The following MACROD2 variants were observed in gnomAD, a reference collection of about 807,000 sequenced individuals.
MACROD2 encodes mono-ADP ribosylhydrolase 2.
A neutral mutation model predicts 70.4 loss-of-function variants in MACROD2; 36 were observed. The ratio of observed to expected loss-of-function variants is 0.51; its 90% CI spans 0.39 to 0.68. The LOEUF is 0.68. Among genes scored for constraint, MACROD2 ranks in the 30% least tolerant of loss-of-function variants. MACROD2 has a pLI of 0.00. For missense variants in MACROD2, 496 were observed against 538.4 expected (o/e 0.92, Z 0.78); for synonymous variants, 172 against 178.8 (o/e 0.96, Z 0.30).
intron 5 of MACROD2, among the ~76,000 whole-genome samples, chr20:14,768,673 G>A (rs1300551230): frequency 6.6e-6 from 1 of 151,906 alleles, no homozygotes; most frequent in East Asian, 1.9e-4. Flanking sequence ...TTGGAGGGCA[G>A]TGGTGTGATC....
chr20:14,604,752 T>C (rs1006010394), intron 4 of MACROD2, among the ~76,000 whole-genome samples: 1 of 152,138 alleles, frequency 6.6e-6, no homozygotes, highest in Non-Finnish European at 1.5e-5. Flanking sequence ...AGAGTCCTTC[T>C]TCCAGGAGGA....
chr20:15,302,051 G>A (rs140711925), intron 6 of MACROD2, among the ~76,000 whole-genome samples: 114 of 152,220 alleles, frequency 7.5e-4, no homozygotes, highest in African/African-American at 2.6e-3. Context: ...TCTCTGAAAC[G>A]TGGTCGGTGC....
intron 4 of MACROD2, among the ~76,000 whole-genome samples, chr20:14,579,176 C>T (rs893951621): frequency 7.0e-6 from 1 of 143,330 alleles, no homozygotes; most frequent in Non-Finnish European, 1.5e-5. Context: ...GCTCTGTCGC[C>T]CAGGCCGGAC....
chr20:16,024,657 G>A (rs995896695), intron 15 of MACROD2, among the ~76,000 whole-genome samples: 22 of 152,076 alleles, frequency 1.4e-4, no homozygotes, highest in Non-Finnish European at 2.6e-4. Flanking sequence ...ATATTCTATT[G>A]AAGTCAGCCA....
chr20:15,710,406 A>G (rs180814641), intron 8 of MACROD2, among the ~76,000 whole-genome samples: 106 of 152,310 alleles, frequency 7.0e-4, no homozygotes, highest in African/African-American at 2.5e-3. Flanking sequence ...AAAGCCATAT[A>G]TAAAGTACCT....
At chr20:15,136,334 A>G (rs1219184564) in intron 5 of MACROD2, among the ~76,000 whole-genome samples, 1 of 151,518 alleles carries the variant, frequency 6.6e-6, no homozygotes, top group Non-Finnish European at 1.5e-5. Flanking sequence ...ACAGTAACCA[A>G]AACAGCATGG....
intron 12 of MACROD2, among the ~76,000 whole-genome samples, chr20:15,956,924 G>C (rs888569246): frequency 7.9e-5 from 12 of 152,150 alleles, no homozygotes; most frequent in Non-Finnish European, 1.6e-4. Context: ...AAGATTTACC[G>C]TAGAATCTGC....
intron 7 of MACROD2, among the ~76,000 whole-genome samples, chr20:15,438,586 C>T (rs1015394256): frequency 6.6e-6 from 1 of 151,374 alleles, no homozygotes; most frequent in African/African-American, 2.4e-5. Flanking sequence ...AGGAAGTCTT[C>T]CTTAGGTATG....
At chr20:15,823,023 A>G (rs925708381) in intron 8 of MACROD2, among the ~76,000 whole-genome samples, 4 of 152,236 alleles carry the variant, frequency 2.6e-5, no homozygotes, top group African/African-American at 9.6e-5. Context: ...AAAATCTATT[A>G]TAGCAGAGAA....
rs185023376 is a variant in MACROD2 at position 15,053,698 on chromosome 20, C to T, written c.419-176242C>T. On this transcript the variant is annotated intron_variant, in intron 5 of 17. Transcript: ENST00000684519. Reference sequence around the variant, plus strand: ...GCTAATACAACATTCCTTCTGCAGCCTATGGATCAAGGAGTAAGTATGACT... The same window carrying T: ...GCTAATACAACATTCCTTCTGCAGCTTATGGATCAAGGAGTAAGTATGACT... Among the ~76,000 whole-genome samples, 741 of 152,290 alleles carry T rather than the reference C, an allele frequency of 4.9e-3. 6 individuals are homozygous for T. Among genetic ancestry groups the T allele is most frequent in the Admixed American group, 0.011 (170 of 15,310 alleles).
chr20:14,861,899 T>G (rs1390480539), intron 5 of MACROD2, among the ~76,000 whole-genome samples: 5 of 136,566 alleles, frequency 3.7e-5, no homozygotes, highest in African/African-American at 1.4e-4. Context: ...CTTATGGTAT[T>G]ATGCTCTGCA....
intron 10 of MACROD2, among the ~76,000 whole-genome samples, chr20:15,896,536 C>CT (rs11438756): frequency 0.67 from 96,955 of 144,758 alleles, 32,656 homozygotes; most frequent in Non-Finnish European, 0.73. Context: ...ATGTCACAAT[C>CT]TTTTTTTTTT....
At chr20:15,653,666 A>G (rs2049680922) in intron 8 of MACROD2, among the ~76,000 whole-genome samples, 1 of 152,172 alleles carries the variant, frequency 6.6e-6, no homozygotes, top group African/African-American at 2.4e-5. Flanking sequence ...GCTGTTGGTC[A>G]GGTGTCTACA....
At chr20:14,882,364 T>C (rs1473162742) in intron 5 of MACROD2, among the ~76,000 whole-genome samples, 1 of 152,322 alleles carries the variant, frequency 6.6e-6, no homozygotes, top group East Asian at 1.9e-4. Context: ...TTTTACTAGA[T>C]ATATCTTTGT....
intron 8 of MACROD2, among the ~76,000 whole-genome samples, chr20:15,654,680 C>T (rs765137478): frequency 7.2e-5 from 11 of 152,142 alleles, no homozygotes; most frequent in African/African-American, 2.2e-4. Flanking sequence ...AGAATGGAGA[C>T]GATTGCTTTG....
chr20:15,609,780 G>C (rs2048941672), intron 8 of MACROD2, among the ~76,000 whole-genome samples: 1 of 152,280 alleles, frequency 6.6e-6, no homozygotes, highest in Admixed American at 6.5e-5. Flanking sequence ...GATCAGCAGG[G>C]GTTAGGCAGT....
At chr20:14,705,311 G>T (rs369242903) in intron 5 of MACROD2, among the ~76,000 whole-genome samples, 10 of 151,670 alleles carry the variant, frequency 6.6e-5, no homozygotes, top group Non-Finnish European at 8.8e-5. Flanking sequence ...AATATAAACC[G>T]CCAAGAGCCA....
intron 5 of MACROD2, among the ~76,000 whole-genome samples, chr20:15,173,810 C>T (rs1156588173): frequency 6.6e-6 from 1 of 152,140 alleles, no homozygotes; most frequent in Non-Finnish European, 1.5e-5. Flanking sequence ...CTACTGTAAT[C>T]TGAGTATTAC....
At chr20:15,051,371 T>C (rs1406010471) in intron 5 of MACROD2, among the ~76,000 whole-genome samples, 9 of 148,694 alleles carry the variant, frequency 6.1e-5, no homozygotes. Flanking sequence ...TGTGTGTGTG[T>C]GTGTGTGTGT....
Sources: allele counts gnomAD v4.1 joint callset (sites outside exome capture counted in the v4.1 genomes callset), GRCh38; gene constraint gnomAD v4.1.1; transcripts MANE v1.5; gene names NCBI Gene and HGNC (gene_info 2026-07-23, HGNC 2026-07-21).